VAV3: variants seen among roughly 807,000 people sequenced by gnomAD.
VAV3 encodes the protein vav guanine nucleotide exchange factor 3.
Under a neutral mutation model 131.2 loss-of-function variants are expected in VAV3, and 94 were observed. That is an observed-to-expected ratio of 0.72 (90% CI 0.61 to 0.85). VAV3 has a LOEUF of 0.85. Ranked by LOEUF, VAV3 falls within the 40% of genes least tolerant of loss-of-function variation. VAV3 has a pLI of 0.00. For missense variants in VAV3, 939 were observed against 1,002.7 expected (o/e 0.94, Z 0.86); for synonymous variants, 349 against 342.0 (o/e 1.02, Z -0.22).
intron 2 of VAV3, among the ~76,000 whole-genome samples, chr1:107,793,939 C>T (rs1485365637): frequency 6.6e-6 from 1 of 152,234 alleles, no homozygotes; most frequent in Non-Finnish European, 1.5e-5. Context: ...TTGCGTACTG[C>T]TGGACACGCC....
chr1:107,709,399 GAAGTA>G (rs1319833950), intron 15 of VAV3, among the ~76,000 whole-genome samples: 5 of 152,080 alleles, frequency 3.3e-5, no homozygotes, highest in Admixed American at 1.3e-4. Flanking sequence ...AAAGATGGAA[GAAGTA>G]AAGGAAAGAT....
In VAV3 at chr1:107,844,511, C is replaced by T. The variant is rs138410421; in HGVS notation, c.321+30390G>A. Among the ~76,000 whole-genome samples, 27 of 152,294 alleles carry T rather than the reference C, an allele frequency of 1.8e-4. 1 individual carries two copies. The East Asian group carries it at 4.4e-3, about 25-fold the overall frequency. Reference sequence around the variant, plus strand: ...GGAAAGGGGGCTGAAGCCAGGAAGCCGAGTGGTCTTGCTCATCAGATCCCC... The same window carrying T: ...GGAAAGGGGGCTGAAGCCAGGAAGCTGAGTGGTCTTGCTCATCAGATCCCC... On this transcript the variant is annotated intron_variant, in intron 2 of 26. Coordinates refer to ENST00000370056, the MANE Select transcript of VAV3 (RefSeq NM_006113.5).
intron 19 of VAV3, chr1:107,669,323 C>G (rs1657618300): frequency 1.6e-6 from 2 of 1,289,544 alleles, no homozygotes; most frequent in Non-Finnish European, 2.0e-6. Context: ...TTGCTGGACA[C>G]CAGCCTTGTC....
In VAV3 at chr1:107,720,826, G is replaced by A. The variant is rs146404934; in HGVS notation, c.1503-15765C>T. On this transcript the variant is annotated intron_variant, in intron 15 of 26. Transcript: ENST00000370056. ...ATTTGTGAAGGAGGTGAGAACTTGAGCAGGACTTGGGGAGCCATGTGGCAA... is the reference window on the plus strand; with the variant it reads ...ATTTGTGAAGGAGGTGAGAACTTGAACAGGACTTGGGGAGCCATGTGGCAA... Among the ~76,000 whole-genome samples, 532 of 152,310 alleles carry A rather than the reference G, an allele frequency of 3.5e-3. 7 individuals are homozygous for A. The highest frequency in any genetic ancestry group is 0.012 in the African/African-American group (505 of 41,568).
intron 4 of VAV3, among the ~76,000 whole-genome samples, chr1:107,776,649 T>C (rs1665374078): frequency 6.6e-6 from 1 of 152,238 alleles, no homozygotes; most frequent in Non-Finnish European, 1.5e-5. Flanking sequence ...TATGATTCTT[T>C]GCAAACATGC....
At chr1:107,812,787 TGG>T (rs1667381006) in intron 2 of VAV3, among the ~76,000 whole-genome samples, 1 of 151,954 alleles carries the variant, frequency 6.6e-6, no homozygotes, top group Non-Finnish European at 1.5e-5. Flanking sequence ...GGATTTGGCA[TGG>T]GGGTTGAAGC....
chr1:107,689,547 T>C (rs1018940473), intron 17 of VAV3, among the ~76,000 whole-genome samples: 3 of 151,900 alleles, frequency 2.0e-5, no homozygotes, highest in African/African-American at 4.8e-5. Flanking sequence ...TAACGAATAC[T>C]TCTGATTAAT....
chr1:107,880,141 A>G (rs539725725), intron 1 of VAV3, among the ~76,000 whole-genome samples: 94 of 152,240 alleles, frequency 6.2e-4, no homozygotes, highest in Admixed American at 2.8e-3. Flanking sequence ...GGCAAGTGCA[A>G]TGAAGAATAC....
chr1:107,639,961 A>G (rs938138632), intron 20 of VAV3, among the ~76,000 whole-genome samples: 2 of 151,828 alleles, frequency 1.3e-5, no homozygotes, highest in African/African-American at 4.8e-5. Flanking sequence ...AAGAATGACC[A>G]CACCAAATGT....
At chr1:107,784,555 A>G (rs994275298) in intron 2 of VAV3, among the ~76,000 whole-genome samples, 1 of 152,254 alleles carries the variant, frequency 6.6e-6, no homozygotes, top group Non-Finnish European at 1.5e-5. Flanking sequence ...TTGCTTCAAT[A>G]TGAAAAATAT....
chr1:107,680,834 A>G (rs1414102628), intron 19 of VAV3, among the ~76,000 whole-genome samples: 3 of 152,318 alleles, frequency 2.0e-5, no homozygotes, highest in African/African-American at 7.2e-5. Flanking sequence ...AAGTTCAAAC[A>G]GCAAGTAAAC....
intron 20 of VAV3, among the ~76,000 whole-genome samples, chr1:107,636,034 A>T (rs755756741): frequency 6.6e-6 from 1 of 152,242 alleles, no homozygotes; most frequent in Non-Finnish European, 1.5e-5. Flanking sequence ...TCTACCTTGT[A>T]CATAAAAATG....
chr1:107,576,879 A>G (rs1191341581), intron 25 of VAV3, among the ~76,000 whole-genome samples: 1 of 152,246 alleles, frequency 6.6e-6, no homozygotes, highest in Non-Finnish European at 1.5e-5. Context: ...TGCAGAACCC[A>G]TGGAAAATTC....
At chr1:107,866,895 G>A (rs1670014241) in intron 2 of VAV3, among the ~76,000 whole-genome samples, 2 of 128,282 alleles carry the variant, frequency 1.6e-5, no homozygotes, top group African/African-American at 3.0e-5. Context: ...AACAAAACAA[G>A]AAACATTACC....
At position 107,705,016 on chromosome 1, in the gene VAV3, G is replaced by C. The variant is rs1321493053; in HGVS notation, c.1548C>G (p.Phe516Leu). ...PDYADSNFHD[F>L]KMHTFTRVTS... ...TGACTCGAGTGAAGGTATGCATCTT[G>C]AAGTCGTGGAAATTGGAGTCTGCAT... The change falls in exon 16 of 27, where the codon TTC (phenylalanine) becomes TTG (leucine). Residue 516 changes from phenylalanine (F) to leucine (L), a missense_variant. Coordinates refer to ENST00000370056, the MANE Select transcript of VAV3 (RefSeq NM_006113.5). 6.2e-7 allele frequency: 1 copy of C among 1,613,836 alleles called. No individual in the cohort carries two copies. The highest frequency in any genetic ancestry group is 2.2e-5 in the East Asian group (1 of 44,858).
chr1:107,727,453 C>T (rs1321527035), intron 15 of VAV3, among the ~76,000 whole-genome samples: 1 of 152,148 alleles, frequency 6.6e-6, no homozygotes, highest in African/African-American at 2.4e-5. Context: ...ATTACTTAGG[C>T]ATAAATTAAT....
chr1:107,729,643 C>T (rs1033010261), intron 15 of VAV3, among the ~76,000 whole-genome samples: 3 of 152,156 alleles, frequency 2.0e-5, no homozygotes, highest in African/African-American at 7.2e-5. Context: ...TGAATTTTCT[C>T]ATTTGCTAAA....
At chr1:107,934,811 T>A (rs936366490) in intron 1 of VAV3, among the ~76,000 whole-genome samples, 10 of 152,260 alleles carry the variant, frequency 6.6e-5, no homozygotes, top group Non-Finnish European at 1.2e-4. Flanking sequence ...ATTTTGTGAA[T>A]CACTGTGTTG....
chr1:107,733,624 T>C (rs1477884157), intron 15 of VAV3, among the ~76,000 whole-genome samples: 3 of 151,700 alleles, frequency 2.0e-5, no homozygotes, highest in East Asian at 3.9e-4. Context: ...TTCAATCAAG[T>C]GGAAGAAAGG....
Sources: allele counts gnomAD v4.1 joint callset (sites outside exome capture counted in the v4.1 genomes callset), GRCh38; gene constraint gnomAD v4.1.1; transcripts MANE v1.5; gene names NCBI Gene and HGNC (gene_info 2026-07-23, HGNC 2026-07-21).